FAM174B: variants seen among roughly 807,000 people sequenced by gnomAD.
FAM174B encodes the protein family with sequence similarity 174 member B.
FAM174B carries 12 observed loss-of-function variants against 10.9 expected under a neutral mutation model. That is an observed-to-expected ratio of 1.10 (90% CI 0.71 to 1.79). The LOEUF is 1.79. FAM174B is among the 40% of genes most tolerant of loss of function. FAM174B has a pLI of 0.00. For missense variants in FAM174B, 266 were observed against 233.3 expected, an observed-to-expected ratio of 1.14 and a Z score of -0.91; for synonymous variants, 132 against 115.8, an observed-to-expected ratio of 1.14 and a Z score of -0.90.
chr15:92,627,732 A>T (rs1435246851), intron 2 of FAM174B, among the ~76,000 whole-genome samples: 1 of 152,206 alleles, frequency 6.6e-6, no homozygotes, highest in Non-Finnish European at 1.5e-5. Flanking sequence ...CAGTACATTG[A>T]TCCACTCGAA....
At chr15:92,621,384 G>A (rs186123707) in intron 2 of FAM174B, among the ~76,000 whole-genome samples, 274 of 152,298 alleles carry the variant, frequency 1.8e-3, no homozygotes, top group African/African-American at 6.5e-3. Flanking sequence ...GGTCAAGGCA[G>A]GAGAATCGCT....
rs566556654 is a variant in FAM174B, at chr15:92,636,410, G to A, written c.345-6065C>T. On this transcript the variant is annotated intron_variant, in intron 1 of 2. Transcript: ENST00000327355. The stretch of plus-strand genomic sequence containing the variant: ...ATCAAATGTAAAACATCTAAAGCAC[G>A]CTTCAAGGCATGTGCTGCTGGTATC... 4.6e-5 allele frequency among the ~76,000 whole-genome samples: 7 copies of A among 152,324 alleles called. No individual in the cohort carries two copies. In the East Asian group the frequency reaches 7.7e-4, roughly 17 times the overall value.
chr15:92,634,140 C>T (rs537582463), intron 1 of FAM174B, among the ~76,000 whole-genome samples: 10 of 152,286 alleles, frequency 6.6e-5, no homozygotes, highest in South Asian at 2.1e-4. Flanking sequence ...GCATCTGGAA[C>T]GGGAGAAAAG....
At chr15:92,649,614 A>C (rs992640050) in intron 1 of FAM174B, among the ~76,000 whole-genome samples, 1 of 152,248 alleles carries the variant, frequency 6.6e-6, no homozygotes, top group African/African-American at 2.4e-5. Context: ...ACTCTAATTA[A>C]TGATGAGAAA....
chr15:92,626,296 C>T (rs1339598168), intron 2 of FAM174B, among the ~76,000 whole-genome samples: 1 of 152,022 alleles, frequency 6.6e-6, no homozygotes, highest in Admixed American at 6.6e-5. Flanking sequence ...GACAGGGTTT[C>T]ACCGTGTTAG....
In FAM174B at chr15:92,655,758, G is replaced by A; in HGVS notation, c.-99C>T. 1 of 1,072,950 alleles carries A rather than the reference G, an allele frequency of 9.3e-7. No homozygotes were observed. Among genetic ancestry groups the A allele is most frequent in the Non-Finnish European group, 1.2e-6 (1 of 860,130 alleles). The allele number at this position is 1,072,950 out of a possible 1,614,324, so 66.5% of individuals were successfully genotyped here. On this transcript the variant is annotated 5_prime_UTR_variant, in exon 1 of 3. Transcript: ENST00000327355. ...CTGCACCGGGGGATCCTGCGGCGGA[G>A]GCGGCTGCGCGGTGCTTGGCAGGAA...
At chr15:92,628,016 G>A (rs1027196513) in intron 2 of FAM174B, among the ~76,000 whole-genome samples, 2 of 152,072 alleles carry the variant, frequency 1.3e-5, no homozygotes, top group African/African-American at 2.4e-5. Context: ...TATATCAAAC[G>A]GTGTAGTATT....
intron 2 of FAM174B, among the ~76,000 whole-genome samples, chr15:92,627,601 C>A (rs967512021): frequency 6.6e-6 from 1 of 152,138 alleles, no homozygotes; most frequent in African/African-American, 2.4e-5. Flanking sequence ...TGTTTAGGGT[C>A]TTCTCTTATT....
At chr15:92,650,314 T>C (rs1196152412) in intron 1 of FAM174B, among the ~76,000 whole-genome samples, 1 of 152,222 alleles carries the variant, frequency 6.6e-6, no homozygotes. Context: ...CATAGCAGTG[T>C]GCACCTTTCC....
At chr15:92,624,087 T>C (rs960980307) in intron 2 of FAM174B, among the ~76,000 whole-genome samples, 1 of 152,168 alleles carries the variant, frequency 6.6e-6, no homozygotes, top group Admixed American at 6.5e-5. Context: ...TAAATGAAAA[T>C]TGCCCGCAGG....
chr15:92,642,034 T>G (rs2050895174), intron 1 of FAM174B, among the ~76,000 whole-genome samples: 1 of 152,140 alleles, frequency 6.6e-6, no homozygotes, highest in Admixed American at 6.5e-5. Flanking sequence ...CAAAAGAAGA[T>G]TTACAAATGC....
intron 2 of FAM174B, among the ~76,000 whole-genome samples, chr15:92,622,912 T>C (rs1489341345): frequency 6.6e-6 from 1 of 152,060 alleles, no homozygotes; most frequent in Non-Finnish European, 1.5e-5. Context: ...GCCCAGCATT[T>C]CGGGAGGCCA....
At chr15:92,628,926 C>T (rs1446615989) in intron 2 of FAM174B, among the ~76,000 whole-genome samples, 2 of 151,932 alleles carry the variant, frequency 1.3e-5, no homozygotes, top group African/African-American at 4.8e-5. Context: ...TTTTTAAATA[C>T]CTAATAAATG....
chr15:92,619,522 C>A (rs1032483989), intron 2 of FAM174B, 63 bp from the exon 3 acceptor site: 6 of 1,571,538 alleles, frequency 3.8e-6, no homozygotes, highest in Non-Finnish European at 5.2e-6. Context: ...CATTCTGACC[C>A]CTCCTGAACA....
Position 92,618,855 on chromosome 15 carries a change from A to AG in FAM174B, c.*600dup. The AG allele has an allele frequency of 5.4e-6, 1 of 185,180 alleles. No individual in the cohort carries two copies. The highest frequency in any genetic ancestry group is 1.4e-4 in the East Asian group (1 of 7,126). 11.5% of individuals were successfully genotyped at this position (185,180 alleles called of 1,614,324 possible). ...TTTTTTTTTTTAAAAAAAAAAAAAA[A>AG]GGAAGAAAGAAAAGGAGCCACAGAC... On this transcript the variant is annotated 3_prime_UTR_variant, in exon 3 of 3. Transcript: ENST00000327355.
intron 2 of FAM174B, among the ~76,000 whole-genome samples, chr15:92,628,825 A>C (rs961098326): frequency 1.4e-4 from 21 of 152,222 alleles, no homozygotes; most frequent in African/African-American, 4.8e-4. Flanking sequence ...AAAAATATAC[A>C]TATCAAAATG....
At chr15:92,623,098 A>G (rs548717903) in intron 2 of FAM174B, among the ~76,000 whole-genome samples, 2 of 151,914 alleles carry the variant, frequency 1.3e-5, no homozygotes, top group South Asian at 2.1e-4. Flanking sequence ...AGAGGGTGCA[A>G]TGAGCCAAGA....
chr15:92,655,477 C>T lies in FAM174B; in HGVS notation c.183G>A (p.Ala61=), dbSNP rs750862640. 17 of 1,552,878 alleles carry T rather than the reference C, an allele frequency of 1.1e-5. No homozygotes were observed. The South Asian group carries it at 1.7e-4, about 15-fold the overall frequency. The stretch of plus-strand genomic sequence containing the variant: ...AGCTGGAGCTGCCGCTGCCGCCCGC[C>T]GCCCCAGACCCAAACCGGGTGGTGT... ...PGNTTRFGSG[A]AGGSGSSSSN... is the part of the protein sequence containing the mutation. The change falls in exon 1 of 3, where the codon GCG becomes GCA. Residue 61 remains alanine, a synonymous_variant. Coordinates refer to ENST00000327355, the MANE Select transcript of FAM174B (RefSeq NM_207446.3).
At position 92,630,326 on chromosome 15, in the gene FAM174B, T is replaced by C. The variant is rs759134199; in HGVS notation, c.364A>G (p.Lys122Glu). The stretch of plus-strand genomic sequence containing the variant: ...GTGATGATATCATACTTGCGTGTCT[T>C]CTTTAACCTCTTTCCCGACCTGCAG... Reference protein sequence around the residue: ...RVFRSGKRLKKTRKYDIITTP... With the variant: ...RVFRSGKRLKETRKYDIITTP... Residue 122 changes from lysine (K) to glutamate (E), a missense_variant, in exon 2 of 3, where the codon AAG becomes GAG. Transcript: ENST00000327355. The C allele has an allele frequency of 8.1e-6, 13 of 1,612,898 alleles. No homozygotes were observed. The highest frequency in any genetic ancestry group is 1.0e-5 in the Non-Finnish European group (12 of 1,179,432).
Sources: allele counts gnomAD v4.1 joint callset (sites outside exome capture counted in the v4.1 genomes callset), GRCh38; gene constraint gnomAD v4.1.1; transcripts MANE v1.5; gene names NCBI Gene and HGNC (gene_info 2026-07-23, HGNC 2026-07-21).